Variants in LRRC4C observed in about 807,000 individuals in gnomAD.
The protein encoded by LRRC4C is leucine-rich repeat-containing protein 4C.
In LRRC4C, 5 loss-of-function variants were observed where a neutral mutation model predicts 33.6. The ratio of observed to expected loss-of-function variants is 0.15; its 90% CI spans 0.08 to 0.31. LRRC4C has a LOEUF of 0.31. LRRC4C is among the 10% of genes least tolerant of loss of function. LRRC4C has a pLI of 1.00. For synonymous variants in LRRC4C, 329 were observed against 302.0 expected (o/e 1.09, Z -0.93); for missense variants, 560 against 796.7 (o/e 0.70, Z 3.58).
intron 1 of LRRC4C, among the ~76,000 whole-genome samples, chr11:41,268,585 A>G (rs140575667): frequency 0.013 from 1,914 of 152,256 alleles, 19 homozygotes; most frequent in Non-Finnish European, 0.019. Flanking sequence ...CTTAATTCAC[A>G]GCACTTTTTT....
At chr11:41,051,823 T>G (rs1858252197) in intron 1 of LRRC4C, among the ~76,000 whole-genome samples, 2 of 152,166 alleles carry the variant, frequency 1.3e-5, no homozygotes, top group African/African-American at 4.8e-5. Flanking sequence ...TTTCTTCATC[T>G]TAGGCCAATA....
chr11:40,983,180 G>A (rs1451837761), intron 1 of LRRC4C, among the ~76,000 whole-genome samples: 5 of 152,054 alleles, frequency 3.3e-5, no homozygotes, highest in Non-Finnish European at 7.4e-5. Context: ...ATTCCTTTGG[G>A]TATATACCCA....
At chr11:41,321,959 G>C (rs1950971868) in intron 1 of LRRC4C, among the ~76,000 whole-genome samples, 1 of 151,970 alleles carries the variant, frequency 6.6e-6, no homozygotes, top group South Asian at 2.1e-4. Context: ...CCACCTCCCT[G>C]GTTCAAGCGA....
intron 4 of LRRC4C, among the ~76,000 whole-genome samples, chr11:40,312,566 C>T (rs908259012): frequency 2.0e-5 from 3 of 152,056 alleles, no homozygotes; most frequent in Non-Finnish European, 4.4e-5. Context: ...GTCTTCAAGA[C>T]CTTTTAAAAA....
At chr11:40,610,957 T>G (rs1360700667) in intron 3 of LRRC4C, among the ~76,000 whole-genome samples, 4 of 151,864 alleles carry the variant, frequency 2.6e-5, no homozygotes, top group Non-Finnish European at 5.9e-5. Flanking sequence ...CCCAGAGATA[T>G]CTACAGATTC....
chr11:41,452,628 A>G (rs578036891), intron 1 of LRRC4C, among the ~76,000 whole-genome samples: 2 of 152,166 alleles, frequency 1.3e-5, no homozygotes, highest in Non-Finnish European at 2.9e-5. Context: ...AGAATTCCCC[A>G]GTTTATGAAA....
intron 4 of LRRC4C, among the ~76,000 whole-genome samples, chr11:40,315,722 G>A (rs1945544241): frequency 6.6e-6 from 1 of 151,768 alleles, no homozygotes; most frequent in Non-Finnish European, 1.5e-5. Context: ...TGATTTATTT[G>A]CAATCTTAGA....
At chr11:40,147,439 C>T (rs1857833829) in intron 5 of LRRC4C, among the ~76,000 whole-genome samples, 2 of 152,076 alleles carry the variant, frequency 1.3e-5, no homozygotes, top group Admixed American at 6.6e-5. Context: ...ACCTGGCTTG[C>T]TGCTCAAATT....
At chr11:40,740,142 C>T (rs1008996973) in intron 2 of LRRC4C, among the ~76,000 whole-genome samples, 2 of 151,836 alleles carry the variant, frequency 1.3e-5, no homozygotes, top group African/African-American at 4.8e-5. Flanking sequence ...TATATTTCTT[C>T]AACATACTAA....
chr11:41,372,566 C>G (rs778085648), intron 1 of LRRC4C, among the ~76,000 whole-genome samples: 3 of 152,208 alleles, frequency 2.0e-5, no homozygotes, highest in Non-Finnish European at 4.4e-5. Context: ...TATTACCAAA[C>G]TTATGAACTA....
intron 3 of LRRC4C, among the ~76,000 whole-genome samples, chr11:40,378,348 A>G (rs1270678106): frequency 6.6e-6 from 1 of 152,038 alleles, no homozygotes; most frequent in African/African-American, 2.4e-5. Context: ...GAAAATTATC[A>G]TAATCATAAT....
chr11:40,195,650 TG>T (rs1862201077), intron 5 of LRRC4C, among the ~76,000 whole-genome samples: 1 of 152,042 alleles, frequency 6.6e-6, no homozygotes, highest in Admixed American at 6.6e-5. Context: ...TCATTTTATT[TG>T]GTTAAAATGT....
At chr11:40,756,871 A>C (rs1186986775) in intron 2 of LRRC4C, among the ~76,000 whole-genome samples, 1 of 152,010 alleles carries the variant, frequency 6.6e-6, no homozygotes, top group Non-Finnish European at 1.5e-5. Context: ...TTTTAGCTTC[A>C]TCCCATTTCT....
At chr11:41,410,390 C>G (rs1356630598) in intron 1 of LRRC4C, among the ~76,000 whole-genome samples, 1 of 134,344 alleles carries the variant, frequency 7.4e-6, no homozygotes. Flanking sequence ...ATGTTTTTTT[C>G]TTAGTGAGAA....
At chr11:40,758,081 G>A (rs974781003) in intron 2 of LRRC4C, among the ~76,000 whole-genome samples, 8 of 151,892 alleles carry the variant, frequency 5.3e-5, no homozygotes, top group African/African-American at 7.3e-5. Context: ...TATATCTCCC[G>A]CGAAATGCAA....
At chr11:40,509,557 T>C (rs1198030070) in intron 3 of LRRC4C, among the ~76,000 whole-genome samples, 1 of 152,124 alleles carries the variant, frequency 6.6e-6, no homozygotes, top group Non-Finnish European at 1.5e-5. Flanking sequence ...TTTTCACTTG[T>C]CATGGAACAA....
chr11:41,391,217 A>G (rs1363355712), intron 1 of LRRC4C, among the ~76,000 whole-genome samples: 1 of 149,030 alleles, frequency 6.7e-6, no homozygotes, highest in Non-Finnish European at 1.5e-5. Flanking sequence ...AGTGTTCTAT[A>G]CTCAGTAAGT....
intron 3 of LRRC4C, among the ~76,000 whole-genome samples, chr11:40,439,594 C>T (rs571263088): frequency 1.4e-4 from 22 of 151,996 alleles, no homozygotes; most frequent in African/African-American, 5.1e-4. Context: ...GCTGGGATTA[C>T]AAGCGTGTAC....
chr11:41,201,630 T>G (rs1450483659), intron 1 of LRRC4C, among the ~76,000 whole-genome samples: 2 of 152,174 alleles, frequency 1.3e-5, no homozygotes, highest in African/African-American at 4.8e-5. Context: ...CCACCAAATA[T>G]CTGCCTGTTT....
Sources: allele counts gnomAD v4.1 joint callset (sites outside exome capture counted in the v4.1 genomes callset), GRCh38; gene constraint gnomAD v4.1.1; transcripts MANE v1.5; gene names NCBI Gene and HGNC (gene_info 2026-07-23, HGNC 2026-07-21).